The following GALNTL6 variants were observed in gnomAD, a reference collection of about 807,000 sequenced individuals.
GALNTL6 encodes the protein polypeptide N-acetylgalactosaminyltransferase like 6, also known as polypeptide N-acetylgalactosaminyltransferase-like 6.
In GALNTL6, 46 loss-of-function variants were observed where a neutral mutation model predicts 73.7. The observed-to-expected ratio is 0.62, with a 90% CI of 0.49 to 0.80. The LOEUF (loss-of-function observed/expected upper bound fraction) is 0.80, where lower values mean the gene tolerates loss of function less well. Among genes scored for constraint, GALNTL6 ranks in the 30% least tolerant of loss-of-function variants. The probability of loss-of-function intolerance (pLI) is 0.00; values close to 1 mark genes in which losing one functional copy is unlikely to be tolerated. For missense variants in GALNTL6, 604 were observed against 755.0 expected (o/e 0.80, Z 2.34); for synonymous variants, 259 against 263.7 (o/e 0.98, Z 0.17).
intron 2 of GALNTL6, among the ~76,000 whole-genome samples, chr4:172,054,724 A>C (rs1028913801): frequency 6.6e-6 from 1 of 152,212 alleles, no homozygotes. Context: ...ATAAACATTC[A>C]GTTTAAAGTA....
chr4:172,681,431 T>TA lies in GALNTL6; in HGVS notation c.554-127928dup, dbSNP rs574846220. 4.6e-3 allele frequency among the ~76,000 whole-genome samples: 708 copies of TA among 152,302 alleles called. 3 individuals carry two copies. The highest frequency in any genetic ancestry group is 0.016 in the African/African-American group (665 of 41,570). ...TAAGTCCAATGACGTTTAGTGTGTATAATCTATATACTGAGATACACATAT... is the reference window on the plus strand; with the variant it reads ...TAAGTCCAATGACGTTTAGTGTGTATAAATCTATATACTGAGATACACATAT... On this transcript the variant is annotated intron_variant, in intron 5 of 12. Transcript: ENST00000506823.
intron 2 of GALNTL6, among the ~76,000 whole-genome samples, chr4:171,966,678 A>T (rs1579014316): frequency 6.6e-6 from 1 of 152,136 alleles, no homozygotes; most frequent in Non-Finnish European, 1.5e-5. Context: ...CCTCCATTTT[A>T]TAGTTGTGAA....
intron 2 of GALNTL6, among the ~76,000 whole-genome samples, chr4:172,201,933 G>T (rs1328235785): frequency 1.3e-5 from 2 of 152,142 alleles, no homozygotes; most frequent in Non-Finnish European, 2.9e-5. Flanking sequence ...CAAGAAATGG[G>T]CGGGGAAATA....
intron 5 of GALNTL6, among the ~76,000 whole-genome samples, chr4:172,672,289 C>A (rs1039541293): frequency 6.6e-6 from 1 of 152,152 alleles, no homozygotes. Context: ...TGTTTTAGTT[C>A]TGTTTATGTG....
intron 10 of GALNTL6, among the ~76,000 whole-genome samples, chr4:172,953,144 T>A (rs993234150): frequency 4.6e-5 from 7 of 152,216 alleles, no homozygotes; most frequent in African/African-American, 9.6e-5. Context: ...TGAACACTTC[T>A]ATTCAGTGGA....
intron 7 of GALNTL6, among the ~76,000 whole-genome samples, chr4:172,879,570 C>T (rs1262382054): frequency 2.6e-5 from 4 of 151,610 alleles, no homozygotes; most frequent in Non-Finnish European, 5.9e-5. Flanking sequence ...ATATTTTGAA[C>T]TGAATGAAAA....
At chr4:171,940,463 C>T (rs1738495866) in intron 2 of GALNTL6, among the ~76,000 whole-genome samples, 1 of 152,154 alleles carries the variant, frequency 6.6e-6, no homozygotes, top group East Asian at 1.9e-4. Flanking sequence ...TGGTTGACTA[C>T]AAAAGTTTAA....
At chr4:172,406,247 A>G (rs1744233669) in intron 5 of GALNTL6, among the ~76,000 whole-genome samples, 1 of 151,942 alleles carries the variant, frequency 6.6e-6, no homozygotes, top group Non-Finnish European at 1.5e-5. Flanking sequence ...AATGAATTCA[A>G]ACTCCTGGGC....
chr4:172,157,057 G>T (rs1469165084), intron 2 of GALNTL6, among the ~76,000 whole-genome samples: 5 of 151,964 alleles, frequency 3.3e-5, no homozygotes, highest in Non-Finnish European at 7.4e-5. Context: ...TATAAGATGG[G>T]TTTGATTTTT....
intron 2 of GALNTL6, among the ~76,000 whole-genome samples, chr4:172,166,664 C>T (rs1734634334): frequency 6.6e-6 from 1 of 152,236 alleles, no homozygotes; most frequent in South Asian, 2.1e-4. Flanking sequence ...TTGTGTCCTA[C>T]AAAGCAAGTA....
intron 5 of GALNTL6, among the ~76,000 whole-genome samples, chr4:172,493,560 C>T (rs13150574): frequency 0.14 from 21,990 of 151,952 alleles, 1,840 homozygotes; most frequent in Non-Finnish European, 0.2. Flanking sequence ...CAGGTTTAAC[C>T]GACAAAAATG....
At chr4:172,159,631 T>G (rs1468553993) in intron 2 of GALNTL6, among the ~76,000 whole-genome samples, 2 of 152,134 alleles carry the variant, frequency 1.3e-5, no homozygotes, top group African/African-American at 4.8e-5. Flanking sequence ...TAAAGGAAGT[T>G]TCAGTGCCTG....
At chr4:172,100,710 G>C (rs974515899) in intron 2 of GALNTL6, among the ~76,000 whole-genome samples, 5 of 152,064 alleles carry the variant, frequency 3.3e-5, no homozygotes, top group African/African-American at 1.2e-4. Flanking sequence ...TTACAAATGA[G>C]AAAATACATT....
intron 3 of GALNTL6, among the ~76,000 whole-genome samples, chr4:172,260,646 T>C (rs960078743): frequency 1.3e-5 from 2 of 151,572 alleles, no homozygotes; most frequent in African/African-American, 4.8e-5. Flanking sequence ...CTATGTTGAA[T>C]AGAAGTGGTG....
At chr4:172,062,479 G>A (rs1280217146) in intron 2 of GALNTL6, among the ~76,000 whole-genome samples, 3 of 151,910 alleles carry the variant, frequency 2.0e-5, no homozygotes. Context: ...CCAACCTCAT[G>A]TCCCCAAAAC....
chr4:172,522,361 T>C (rs1185484480), intron 5 of GALNTL6, among the ~76,000 whole-genome samples: 1 of 152,154 alleles, frequency 6.6e-6, no homozygotes, highest in Admixed American at 6.5e-5. Flanking sequence ...TTCCATTCTC[T>C]GGTTACCAGC....
intron 8 of GALNTL6, among the ~76,000 whole-genome samples, chr4:172,927,041 A>C (rs1197963969): frequency 6.6e-6 from 1 of 152,162 alleles, no homozygotes; most frequent in East Asian, 1.9e-4. Context: ...GCAATGCTTC[A>C]CCCAGTTTTC....
intron 5 of GALNTL6, among the ~76,000 whole-genome samples, chr4:172,374,307 C>T (rs946954130): frequency 6.6e-6 from 1 of 152,158 alleles, no homozygotes; most frequent in African/African-American, 2.4e-5. Context: ...GCCTGTTCCT[C>T]TTGGTTCCTA....
At chr4:172,864,804 G>A (rs140747018) in intron 7 of GALNTL6, among the ~76,000 whole-genome samples, 215 of 152,182 alleles carry the variant, frequency 1.4e-3, no homozygotes, top group African/African-American at 4.6e-3. Context: ...CATGGTCTTT[G>A]ATGTTCTATT....
Sources: allele counts gnomAD v4.1 joint callset (sites outside exome capture counted in the v4.1 genomes callset), GRCh38; gene constraint gnomAD v4.1.1; transcripts MANE v1.5; gene names NCBI Gene and HGNC (gene_info 2026-07-23, HGNC 2026-07-21).